HHLA2: variants seen among roughly 807,000 people sequenced by gnomAD.
HHLA2 encodes the protein HERV-H LTR-associating protein 2.
In HHLA2, 48 loss-of-function variants were observed where a neutral mutation model predicts 45.9. The ratio of observed to expected loss-of-function variants is 1.05; its 90% CI spans 0.83 to 1.33. The LOEUF (loss-of-function observed/expected upper bound fraction) is 1.33. Ranked by LOEUF, HHLA2 falls within the 40% of genes most tolerant of loss-of-function variation. The pLI is 0.00. For synonymous variants in HHLA2, 161 were observed against 173.9 expected (o/e 0.93, Z 0.59); for missense variants, 462 against 494.3 (o/e 0.93, Z 0.62).
rs1350023163 is a variant in HHLA2 at position 108,362,572 on chromosome 3, C to T, written c.1108+126C>T. The T allele has an allele frequency of 4.5e-6, 3 of 665,118 alleles. No homozygotes were observed. The East Asian group carries it at 8.2e-5, about 18-fold the overall frequency. The allele number at this position is 665,118 out of a possible 1,614,324, so 41.2% of individuals were successfully genotyped here. A position where few individuals can be genotyped will look rare whatever the true frequency, so the allele number is the denominator to read the frequency against. On this transcript the variant is annotated intron_variant, in intron 8 of 10. Coordinates refer to ENST00000619531, the Ensembl canonical transcript of HHLA2. ...TCTGAATTTTCTGGAATGTCATTCA[C>T]AAAATTCACCCAAAATCTTTTAAAA... is the stretch of plus-strand genomic sequence containing the variant.
chr3:108,318,020 A>G (rs1375904167), intron 2 of HHLA2, among the ~76,000 whole-genome samples: 1 of 151,934 alleles, frequency 6.6e-6, no homozygotes, highest in Non-Finnish European at 1.5e-5. Flanking sequence ...TGTCTGTACT[A>G]AAAATAAAAA....
At chr3:108,356,568 A>G (rs1250006373) in intron 6 of HHLA2, among the ~76,000 whole-genome samples, 1 of 152,216 alleles carries the variant, frequency 6.6e-6, no homozygotes, top group East Asian at 1.9e-4. Flanking sequence ...GAAACATGGG[A>G]AAGGGTTGCA....
chr3:108,377,205 G>C (rs753575716), intron 10 of HHLA2, 53 bp from the exon 10 acceptor site: 3 of 1,202,454 alleles, frequency 2.5e-6, no homozygotes, highest in East Asian at 2.4e-5. Flanking sequence ...AGATATAAAT[G>C]GTTATTCTGA....
chr3:108,375,502 T>C (rs559726647), intron 8 of HHLA2, among the ~76,000 whole-genome samples: 1 of 151,592 alleles, frequency 6.6e-6, no homozygotes, highest in South Asian at 2.1e-4. Flanking sequence ...TAAATAAAAA[T>C]AAATTGTACA....
chr3:108,378,054 A>G (rs944586817), exon 11 of HHLA2: 1 of 152,190 alleles, frequency 6.6e-6, no homozygotes, highest in Non-Finnish European at 1.5e-5. Context: ...CCCACCCTTA[A>G]GAAGGTACTT....
At chr3:108,356,309 C>T (rs1372133281) in intron 6 of HHLA2, among the ~76,000 whole-genome samples, 2 of 152,108 alleles carry the variant, frequency 1.3e-5, no homozygotes, top group African/African-American at 4.8e-5. Flanking sequence ...GGATTACAGG[C>T]GTGAGCCACC....
At chr3:108,376,661 T>C (rs1036626885) in intron 10 of HHLA2, 104 bp downstream of exon 9, 3 of 1,000,962 alleles carry the variant, frequency 3.0e-6, no homozygotes, top group Non-Finnish European at 4.5e-6. Flanking sequence ...GCAAGACTTT[T>C]ATACAGAAAA....
intron 1 of HHLA2, among the ~76,000 whole-genome samples, chr3:108,307,407 G>A (rs866605750): frequency 1.3e-4 from 20 of 151,894 alleles, no homozygotes; most frequent in African/African-American, 2.2e-4. Flanking sequence ...AGGCCGAGGC[G>A]GGTGGATCAT....
intron 2 of HHLA2, among the ~76,000 whole-genome samples, chr3:108,325,245 C>G (rs1184687143): frequency 6.6e-6 from 1 of 152,036 alleles, no homozygotes; most frequent in African/African-American, 2.4e-5. Flanking sequence ...CAAAAAAAAA[C>G]TATGTTAAAA....
intron 8 of HHLA2, among the ~76,000 whole-genome samples, chr3:108,375,342 G>T (rs576809055): frequency 1.4e-5 from 2 of 139,070 alleles, no homozygotes; most frequent in Admixed American, 7.2e-5. Flanking sequence ...GGTAGGGGAG[G>T]GGGGAGGGAT....
intron 8 of HHLA2, 127 bp from the exon 8 acceptor site, chr3:108,375,623 A>G (rs1447495374): frequency 2.5e-6 from 3 of 1,224,432 alleles, no homozygotes; most frequent in East Asian, 2.9e-5. Flanking sequence ...TAGACACACG[A>G]AAAACCCTTC....
chr3:108,362,328 C>CA lies in HHLA2; in HGVS notation c.1004-14_1004-13insA, dbSNP rs1553758068. Reference sequence around the variant, plus strand: ...TTCCAGTTCACAGACTTTGTTTCTCCTTTTTTTTTTTAGAACCGAGCCAAG... The same window carrying CA: ...TTCCAGTTCACAGACTTTGTTTCTCCATTTTTTTTTTTAGAACCGAGCCAAG... On this transcript the variant is annotated splice_polypyrimidine_tract_variant and intron_variant, in intron 7 of 10. Transcript: ENST00000619531. The CA allele has an allele frequency of 8.2e-6, 10 of 1,217,214 alleles. No homozygotes were observed. Among genetic ancestry groups the CA allele is most frequent in the Non-Finnish European group, 1.1e-5 (10 of 873,036 alleles). The allele number at this position is 1,217,214 out of a possible 1,614,324, so 75.4% of individuals were successfully genotyped here. A position where few individuals can be genotyped will look rare whatever the true frequency, so the allele number is the denominator to read the frequency against.
chr3:108,332,588 T>A (rs886860449), intron 3 of HHLA2, among the ~76,000 whole-genome samples: 1 of 152,164 alleles, frequency 6.6e-6, no homozygotes, highest in East Asian at 1.9e-4. Context: ...AACTGGAGTG[T>A]GTGCCCAACT....
intron 8 of HHLA2, among the ~76,000 whole-genome samples, chr3:108,367,259 C>T (rs963070207): frequency 2.0e-5 from 3 of 152,136 alleles, no homozygotes; most frequent in African/African-American, 4.8e-5. Flanking sequence ...AAAACCAGCA[C>T]AAAAATGCTG....
chr3:108,334,016 G>A (rs78850144), intron 3 of HHLA2, among the ~76,000 whole-genome samples: 9,807 of 152,218 alleles, frequency 0.064, 513 homozygotes, highest in East Asian at 0.3. Flanking sequence ...GCGAAGGCAG[G>A]CCACAGAATC....
At chr3:108,358,368 A>G (rs958825750) in intron 7 of HHLA2, among the ~76,000 whole-genome samples, 3 of 152,114 alleles carry the variant, frequency 2.0e-5, no homozygotes, top group Non-Finnish European at 4.4e-5. Context: ...AATTACTCCC[A>G]CAGATTTCCT....
chr3:108,312,030 C>T (rs927549804), intron 2 of HHLA2, among the ~76,000 whole-genome samples: 6 of 152,144 alleles, frequency 3.9e-5, no homozygotes, highest in South Asian at 2.1e-4. Flanking sequence ...CAGGCACAGG[C>T]GGAAAACGGG....
intron 3 of HHLA2, among the ~76,000 whole-genome samples, chr3:108,330,619 G>T (rs2081369700): frequency 6.6e-6 from 1 of 152,176 alleles, no homozygotes; most frequent in Admixed American, 6.5e-5. Context: ...CTGGGATGAT[G>T]TGAAATGGTG....
chr3:108,314,276 T>C (rs973541767), intron 2 of HHLA2, among the ~76,000 whole-genome samples: 3 of 151,416 alleles, frequency 2.0e-5, no homozygotes, highest in Admixed American at 2.0e-4. Flanking sequence ...CTGCATTCCA[T>C]ATTCTTGTGA....
Sources: gnomAD v4.1 joint callset for allele counts (sites outside exome capture counted in the v4.1 genomes callset) on GRCh38, gnomAD v4.1.1 for gene constraint, MANE v1.5 for transcripts, NCBI Gene and HGNC (gene_info 2026-07-23, HGNC 2026-07-21) for gene names.